Variants in ZNF516 observed in about 807,000 individuals in gnomAD.
ZNF516 encodes zinc finger protein 516.
A neutral mutation model predicts 79.7 loss-of-function variants in ZNF516; 19 were observed. That is an observed-to-expected ratio of 0.24 (90% confidence interval 0.17 to 0.35). The LOEUF is 0.35. Ranked by LOEUF, ZNF516 falls within the 10% of genes least tolerant of loss-of-function variation. The probability of loss-of-function intolerance (pLI) is 1.00; values close to 1 mark genes in which losing one functional copy is unlikely to be tolerated. For missense variants in ZNF516, 1,678 were observed against 1,679.5 expected, an observed-to-expected ratio of 1.00 and a Z score of 0.02; for synonymous variants, 877 against 739.5, an observed-to-expected ratio of 1.19 and a Z score of -3.02.
chr18:76,465,435 G>A (rs1264991707), intron 1 of ZNF516, among the ~76,000 whole-genome samples: 4 of 152,198 alleles, frequency 2.6e-5, no homozygotes, highest in Non-Finnish European at 4.4e-5. Flanking sequence ...GGCCAAGGGG[G>A]CCAATCTGTG....
chr18:76,423,541 T>TC (rs1224177300), intron 3 of ZNF516, among the ~76,000 whole-genome samples: 1 of 63,610 alleles, frequency 1.6e-5, no homozygotes, highest in Non-Finnish European at 3.2e-5. Context: ...TGAAAAGGCT[T>TC]CCCCGAAACA....
Position 76,441,920 on chromosome 18 carries a change from T to A in ZNF516, c.1135A>T (p.Thr379Ser), listed in dbSNP as rs1201570720. ...AEEGAEGPSD[T>S]KQFFLQCLNL... The stretch of plus-strand genomic sequence containing the variant: ...AGGCACTGGAGGAAGAACTGCTTGG[T>A]GTCCGAGGGCCCCTCCGCCCCCTCC... The change falls in exon 3 of 7, where the codon ACC becomes TCC. Residue 379 changes from threonine (T) to serine (S), a missense_variant. Physicochemically the swap from Thr to Ser is moderately conservative, Grantham distance 58. Coordinates refer to ENST00000443185, the MANE Select transcript of ZNF516 (RefSeq NM_014643.4). 6.2e-7 allele frequency: 1 copy of A among 1,605,370 alleles called. No individual in the cohort carries two copies. The highest frequency in any genetic ancestry group is 1.3e-5 in the African/African-American group (1 of 74,932).
chr18:76,429,778 A>G (rs1041688842), intron 3 of ZNF516, among the ~76,000 whole-genome samples: 1 of 152,216 alleles, frequency 6.6e-6, no homozygotes, highest in African/African-American at 2.4e-5. Context: ...AGAATGGAAA[A>G]TGATGCGCCG....
intron 3 of ZNF516, among the ~76,000 whole-genome samples, chr18:76,425,067 GA>G (rs376677610): frequency 6.6e-6 from 1 of 150,652 alleles, no homozygotes; most frequent in African/African-American, 2.4e-5. Flanking sequence ...GGTTCCCCCT[GA>G]AAAACAGGCA....
rs1914190913 is a variant in ZNF516, at chr18:76,476,659, C to T, written c.-271-13518G>A. 2.0e-5 allele frequency among the ~76,000 whole-genome samples: 3 copies of T among 152,222 alleles called. No homozygotes were observed. The South Asian group carries it at 6.2e-4, about 31-fold the overall frequency. On this transcript the variant is annotated intron_variant, in intron 1 of 6. Transcript: ENST00000443185. ...ATTCTGCCAAGCGATTAAACGTAAGCTTGTAGTTTTGTGTCAGTTTTCCAC... is the reference window on the plus strand; with the variant it reads ...ATTCTGCCAAGCGATTAAACGTAAGTTTGTAGTTTTGTGTCAGTTTTCCAC...
At chr18:76,367,310 A>T (rs1204286513) in intron 6 of ZNF516, among the ~76,000 whole-genome samples, 3 of 152,172 alleles carry the variant, frequency 2.0e-5, no homozygotes, top group Non-Finnish European at 4.4e-5. Context: ...GATCAAGCTA[A>T]GCGCCTCCAA....
rs537176738 is a variant in ZNF516 at position 76,383,899 on chromosome 18, C to G, written c.1811-3596G>C. On this transcript the variant is annotated intron_variant, in intron 3 of 6. Coordinates refer to ENST00000443185, the MANE Select transcript of ZNF516 (RefSeq NM_014643.4). ...GTTGACAAGGGCCCTCCAGGGGCCT[C>G]CAATCATGGGAATAAACTACTGCCA... is the stretch of plus-strand genomic sequence containing the variant. 1.2e-4 allele frequency among the ~76,000 whole-genome samples: 19 copies of G among 152,346 alleles called. No individual in the cohort carries two copies. The South Asian group carries it at 3.9e-3, about 32-fold the overall frequency.
intron 3 of ZNF516, among the ~76,000 whole-genome samples, chr18:76,423,308 G>A (rs1042111170): frequency 2.0e-4 from 30 of 152,326 alleles, no homozygotes; most frequent in African/African-American, 6.5e-4. Flanking sequence ...CCCTTCTTGC[G>A]TGTTCTCGTT....
At chr18:76,404,645 A>G (rs1197043880) in intron 3 of ZNF516, among the ~76,000 whole-genome samples, 1 of 152,152 alleles carries the variant, frequency 6.6e-6, no homozygotes, top group African/African-American at 2.4e-5. Context: ...GTGAGGATGC[A>G]TGTGCATGTG....
intron 3 of ZNF516, among the ~76,000 whole-genome samples, chr18:76,405,367 G>A (rs2075290052): frequency 6.6e-6 from 1 of 152,108 alleles, no homozygotes; most frequent in Admixed American, 6.5e-5. Flanking sequence ...ACCCCACACT[G>A]CACACACCCA....
chr18:76,458,227 T>A (rs1172461302), intron 2 of ZNF516, among the ~76,000 whole-genome samples: 2 of 152,198 alleles, frequency 1.3e-5, no homozygotes, highest in Non-Finnish European at 2.9e-5. Context: ...GTTTTAAAGC[T>A]GATGTGGAAA....
In ZNF516 at chr18:76,441,975, G is replaced by A. The variant is rs376933533; in HGVS notation, c.1080C>T (p.Val360=). The A allele has an allele frequency of 1.8e-5, 29 of 1,612,742 alleles. No homozygotes were observed. The highest frequency in any genetic ancestry group is 1.5e-4 in the African/African-American group (11 of 74,930). ...LNAHNAIHRR[V]EASRTRAPAE... is the part of the protein sequence containing the mutation. ...CCGGGGCGCGCGTGCGGCTGGCCTC[G>A]ACTCTGCGGTGGATGGCATTGTGGG... Residue 360 remains valine (V), a synonymous_variant, in exon 3 of 7, where the codon GTC becomes GTT. Coordinates refer to ENST00000443185, the MANE Select transcript of ZNF516 (RefSeq NM_014643.4).
At chr18:76,392,100 A>T (rs947294577) in intron 3 of ZNF516, among the ~76,000 whole-genome samples, 1 of 152,238 alleles carries the variant, frequency 6.6e-6, no homozygotes, top group Non-Finnish European at 1.5e-5. Flanking sequence ...CCAGGAAGCC[A>T]GCGCAGACTC....
At chr18:76,479,899 C>G (rs1163387455) in intron 1 of ZNF516, among the ~76,000 whole-genome samples, 1 of 152,212 alleles carries the variant, frequency 6.6e-6, no homozygotes. Context: ...AGCCCTTTCC[C>G]CTTAAACTGC....
chr18:76,416,226 C>T (rs529229652), intron 3 of ZNF516, among the ~76,000 whole-genome samples: 1 of 152,208 alleles, frequency 6.6e-6, no homozygotes, highest in South Asian at 2.1e-4. Context: ...ACACTTTGGT[C>T]CTCCTTGGAA....
rs539021769 is a variant in ZNF516 at position 76,456,621 on chromosome 18, T to A, written c.-158+6407A>T. 2.6e-5 allele frequency among the ~76,000 whole-genome samples: 4 copies of A among 152,038 alleles called. No homozygotes were observed. In the East Asian group the frequency reaches 5.8e-4, roughly 22 times the overall value. ...CTCCCGGGAATGTGTGTGTGGCTCATCCTCACTGGGCCACACAGTCAACCC... is the reference window on the plus strand; with the variant it reads ...CTCCCGGGAATGTGTGTGTGGCTCAACCTCACTGGGCCACACAGTCAACCC... On this transcript the variant is annotated intron_variant, in intron 2 of 6. Coordinates refer to ENST00000443185, the MANE Select transcript of ZNF516 (RefSeq NM_014643.4).
In ZNF516 at chr18:76,440,769, C is replaced by T. The variant is rs573721791; in HGVS notation, c.1810+476G>A. On this transcript the variant is annotated intron_variant, in intron 3 of 6. Transcript: ENST00000443185. Reference sequence around the variant, plus strand: ...GTGTGTGTGTGTGTGTGTGCGCGCACGCGCGCATGCATCGTATGGTGAGAA... The same window carrying T: ...GTGTGTGTGTGTGTGTGTGCGCGCATGCGCGCATGCATCGTATGGTGAGAA... Among the ~76,000 whole-genome samples, 17 of 90,780 alleles carry T rather than the reference C, an allele frequency of 1.9e-4. No homozygotes were observed. The East Asian group carries it at 3.9e-3, about 21-fold the overall frequency. 59.6% of individuals were successfully genotyped at this position (90,780 alleles called of 152,430 possible). A position where few individuals can be genotyped will look rare whatever the true frequency, so the allele number is the denominator to read the frequency against.
At chr18:76,435,751 T>G (rs373399914) in intron 3 of ZNF516, among the ~76,000 whole-genome samples, 2 of 152,224 alleles carry the variant, frequency 1.3e-5, no homozygotes, top group African/African-American at 4.8e-5. Context: ...TCTCTCCAGG[T>G]AGAGCCCTGG....
Position 76,360,815 on chromosome 18 carries a change from TAATAATATA to T in ZNF516, c.*1674_*1682del, listed in dbSNP as rs923401083. 7.0e-5 allele frequency: 10 copies of T among 142,080 alleles called. No homozygotes were observed. The highest frequency in any genetic ancestry group is 2.7e-4 in the African/African-American group (10 of 36,384). The allele number at this position is 142,080 out of a possible 1,614,324, so 8.8% of individuals were successfully genotyped here. A position where few individuals can be genotyped will look rare whatever the true frequency, so the allele number is the denominator to read the frequency against. On this transcript the variant is annotated 3_prime_UTR_variant, in exon 7 of 7. Transcript: ENST00000443185. The stretch of plus-strand genomic sequence containing the variant: ...ATAACAATAATAATAATAATAATAA[TAATAATATA>T]ATAATATTCAACAAATCATTAGAAC...
Sources: allele counts gnomAD v4.1 joint callset (sites outside exome capture counted in the v4.1 genomes callset), GRCh38; gene constraint gnomAD v4.1.1; transcripts MANE v1.5; gene names NCBI Gene and HGNC (gene_info 2026-07-23, HGNC 2026-07-21).